CADPS2: variants seen among roughly 807,000 people sequenced by gnomAD.
CADPS2 encodes the protein calcium dependent secretion activator 2.
Under a neutral mutation model 172.5 loss-of-function variants are expected in CADPS2, and 93 were observed. The ratio of observed to expected loss-of-function variants is 0.54; its 90% CI spans 0.46 to 0.64. CADPS2 has a LOEUF of 0.64. Ranked by LOEUF, CADPS2 falls within the 30% of genes least tolerant of loss-of-function variation. The probability of loss-of-function intolerance (pLI) is 0.00; values close to 1 mark genes in which losing one functional copy is unlikely to be tolerated. For synonymous variants in CADPS2, 546 were observed against 555.2 expected, an observed-to-expected ratio of 0.98 and a Z score of 0.23; for missense variants, 1,420 against 1,565.9, an observed-to-expected ratio of 0.91 and a Z score of 1.57.
chr7:122,575,316 G>C (rs1016822094), intron 7 of CADPS2, among the ~76,000 whole-genome samples: 1 of 151,946 alleles, frequency 6.6e-6, no homozygotes, highest in Non-Finnish European at 1.5e-5. Flanking sequence ...GATAATTAGG[G>C]AACTCTGAAT....
chr7:122,655,429 A>G (rs1161162436), intron 3 of CADPS2, among the ~76,000 whole-genome samples: 1 of 152,166 alleles, frequency 6.6e-6, no homozygotes, highest in African/African-American at 2.4e-5. Context: ...TCAAGGCGAG[A>G]CCCTCTACCA....
chr7:122,877,070 C>G (rs2501441), intron 1 of CADPS2, among the ~76,000 whole-genome samples: 31,039 of 151,558 alleles, frequency 0.2, 4,036 homozygotes, highest in African/African-American at 0.37. Flanking sequence ...TTAAAAAAAA[C>G]AGTCATAATC....
intron 2 of CADPS2, among the ~76,000 whole-genome samples, chr7:122,666,271 A>C (rs574249209): frequency 1.3e-5 from 2 of 150,684 alleles, no homozygotes; most frequent in East Asian, 3.9e-4. Context: ...AAAAGGATGG[A>C]CTCTGCCAGC....
At chr7:122,515,627 G>T (rs1212048817) in intron 8 of CADPS2, among the ~76,000 whole-genome samples, 1 of 151,976 alleles carries the variant, frequency 6.6e-6, no homozygotes, top group African/African-American at 2.4e-5. Context: ...TTTGCAGACT[G>T]TTGGGCAACT....
intron 27 of CADPS2, among the ~76,000 whole-genome samples, chr7:122,357,138 A>C (rs1187264227): frequency 6.6e-6 from 1 of 152,112 alleles, no homozygotes; most frequent in Non-Finnish European, 1.5e-5. Context: ...TCCAACTCTA[A>C]TCCATTACAG....
At chr7:122,425,425 C>CAAAA (rs71159797) in intron 17 of CADPS2, among the ~76,000 whole-genome samples, 1 of 72,674 alleles carries the variant, frequency 1.4e-5, no homozygotes, top group Non-Finnish European at 2.6e-5. Context: ...CTATCTCTAC[C>CAAAA]AAAAAAAAAA....
chr7:122,766,803 A>C (rs1453053144), intron 1 of CADPS2, among the ~76,000 whole-genome samples: 1 of 152,152 alleles, frequency 6.6e-6, no homozygotes, highest in African/African-American at 2.4e-5. Context: ...GTGACAGGTA[A>C]CTGTCACTCT....
intron 8 of CADPS2, among the ~76,000 whole-genome samples, chr7:122,533,959 C>T (rs567161606): frequency 3.3e-5 from 5 of 152,132 alleles, no homozygotes; most frequent in Middle Eastern, 3.4e-3. Flanking sequence ...TCCATTTAGC[C>T]GAACGCATGC....
chr7:122,637,155 G>C (rs2430017), intron 3 of CADPS2, among the ~76,000 whole-genome samples: 63,840 of 120,418 alleles, frequency 0.53, 16,532 homozygotes, highest in East Asian at 0.72. Flanking sequence ...GCTTCTGACT[G>C]CATTATGAAA....
intron 1 of CADPS2, among the ~76,000 whole-genome samples, chr7:122,854,361 G>T (rs1199793248): frequency 2.0e-5 from 3 of 152,072 alleles, no homozygotes; most frequent in African/African-American, 7.2e-5. Context: ...ACACAGTGAA[G>T]TCCTGTCTCA....
chr7:122,768,298 G>A (rs1220861036), intron 1 of CADPS2, among the ~76,000 whole-genome samples: 6 of 152,110 alleles, frequency 3.9e-5, no homozygotes, highest in Non-Finnish European at 7.4e-5. Context: ...TGAAGGTAAC[G>A]TATTTAGTTA....
intron 7 of CADPS2, among the ~76,000 whole-genome samples, chr7:122,572,736 A>G (rs1265049149): frequency 1.3e-5 from 2 of 152,108 alleles, no homozygotes; most frequent in Non-Finnish European, 2.9e-5. Flanking sequence ...TTCAGGACAA[A>G]ATTATCTTCA....
chr7:122,613,165 A>C (rs992877922), intron 6 of CADPS2, among the ~76,000 whole-genome samples: 2 of 152,148 alleles, frequency 1.3e-5, no homozygotes, highest in Admixed American at 6.6e-5. Context: ...AAGCACAAGC[A>C]ACAAAGAAAA....
chr7:122,347,098 A>C (rs539552744), intron 27 of CADPS2, among the ~76,000 whole-genome samples: 2 of 152,346 alleles, frequency 1.3e-5, no homozygotes, highest in African/African-American at 4.8e-5. Context: ...TTTCGTATTC[A>C]CAGAAAGCAT....
intron 25 of CADPS2, among the ~76,000 whole-genome samples, chr7:122,366,301 T>C (rs1490951232): frequency 6.6e-6 from 1 of 151,490 alleles, no homozygotes; most frequent in South Asian, 2.1e-4. Context: ...CGTTAATATA[T>C]GATAATAAAA....
chr7:122,749,910 G>T (rs12534868), intron 1 of CADPS2, among the ~76,000 whole-genome samples: 31,299 of 150,098 alleles, frequency 0.21, 3,444 homozygotes, highest in Middle Eastern at 0.3. Context: ...CATACAGAAT[G>T]CTGCTAATAA....
intron 7 of CADPS2, among the ~76,000 whole-genome samples, chr7:122,574,501 A>G (rs1342951673): frequency 6.8e-6 from 1 of 146,634 alleles, no homozygotes; most frequent in East Asian, 2.1e-4. Context: ...GTTGATACAT[A>G]TGTAGAATGT....
intron 1 of CADPS2, among the ~76,000 whole-genome samples, chr7:122,841,247 G>T (rs1476664780): frequency 6.6e-6 from 1 of 152,086 alleles, no homozygotes; most frequent in Non-Finnish European, 1.5e-5. Flanking sequence ...AAACATGGAA[G>T]AGACAAGGCA....
chr7:122,675,210 T>C lies in CADPS2; in HGVS notation c.454-11641A>G, dbSNP rs145687754. ...TTTGTCCATCTGTGGGACCTGTCTG[T>C]GACTCACACAAAACGGAGTCCTCTG... On this transcript the variant is annotated intron_variant, in intron 2 of 29. Coordinates refer to ENST00000449022, the MANE Select transcript of CADPS2 (RefSeq NM_017954.11). Among the ~76,000 whole-genome samples, 313 of 152,330 alleles carry C rather than the reference T, an allele frequency of 2.1e-3. 1 individual carries two copies. The highest frequency in any genetic ancestry group is 7.1e-3 in the African/African-American group (294 of 41,574).
Sources: gnomAD v4.1 joint callset for allele counts (sites outside exome capture counted in the v4.1 genomes callset) on GRCh38, gnomAD v4.1.1 for gene constraint, MANE v1.5 for transcripts, NCBI Gene and HGNC (gene_info 2026-07-23, HGNC 2026-07-21) for gene names.